Variants in CCDC126 observed in about 807,000 individuals in gnomAD.
CCDC126 encodes coiled-coil domain containing 126.
In CCDC126, 5 loss-of-function variants were observed where a neutral mutation model predicts 11.7. The ratio of observed to expected loss-of-function variants is 0.43; its 90% CI spans 0.22 to 0.90. CCDC126 has a LOEUF of 0.90. Among genes scored for constraint, CCDC126 ranks in the 40% least tolerant of loss-of-function variants. The pLI is 0.27. For synonymous variants in CCDC126, 60 were observed against 61.9 expected (o/e 0.97, Z 0.14); for missense variants, 150 against 163.1 (o/e 0.92, Z 0.44).
At chr7:23,618,312 C>G (rs146517592) in intron 3 of CCDC126, among the ~76,000 whole-genome samples, 37 of 152,314 alleles carry the variant, frequency 2.4e-4, no homozygotes, top group African/African-American at 8.7e-4. Context: ...CCCCAACTCT[C>G]TAATCACATG....
At chr7:23,609,198 T>C (rs1782666869) in intron 2 of CCDC126, among the ~76,000 whole-genome samples, 1 of 152,150 alleles carries the variant, frequency 6.6e-6, no homozygotes, top group African/African-American at 2.4e-5. Flanking sequence ...ATTTTTTTTT[T>C]TTGGGATGGA....
At chr7:23,616,123 A>C (rs1000983950) in intron 3 of CCDC126, among the ~76,000 whole-genome samples, 8 of 152,216 alleles carry the variant, frequency 5.3e-5, no homozygotes, top group Non-Finnish European at 8.8e-5. Flanking sequence ...GAGTTTAATA[A>C]GTATCGATTT....
chr7:23,615,626 G>A (rs1782784127), intron 3 of CCDC126, among the ~76,000 whole-genome samples: 1 of 152,230 alleles, frequency 6.6e-6, no homozygotes, highest in Non-Finnish European at 1.5e-5. Flanking sequence ...AGTGAGAGAA[G>A]AGGGACTCTT....
intron 3 of CCDC126, among the ~76,000 whole-genome samples, chr7:23,622,062 C>T (rs1373015655): frequency 2.0e-5 from 3 of 152,080 alleles, no homozygotes; most frequent in Non-Finnish European, 4.4e-5. Flanking sequence ...TGTGTCTCTG[C>T]CAGGCTTTGG....
rs1782776414 is a variant in CCDC126 at position 23,615,222 on chromosome 7, C to A, written c.238+3669C>A. On this transcript the variant is annotated intron_variant, in intron 3 of 3. Coordinates refer to ENST00000307471, the MANE Select transcript of CCDC126 (RefSeq NM_138771.4). ...CATTAGCACTTGCTGCTTCACCTTG[C>A]ACTTGAATCTTATGGAAATGGCTTT... 2.0e-5 allele frequency among the ~76,000 whole-genome samples: 3 copies of A among 152,236 alleles called. No homozygotes were observed. The South Asian group carries it at 6.2e-4, about 32-fold the overall frequency.
intron 2 of CCDC126, among the ~76,000 whole-genome samples, chr7:23,601,216 G>A (rs1436804812): frequency 6.6e-6 from 1 of 152,020 alleles, no homozygotes; most frequent in Non-Finnish European, 1.5e-5. Context: ...AGACCTTGTC[G>A]CTGCTAAAAA....
chr7:23,630,675 T>TG (rs1310780648), intron 3 of CCDC126, among the ~76,000 whole-genome samples: 1 of 125,852 alleles, frequency 7.9e-6, no homozygotes, highest in Non-Finnish European at 1.5e-5. Flanking sequence ...GCCATGAGCA[T>TG]GCTGCTGCAC....
In CCDC126 at chr7:23,642,576, A is replaced by G. The variant is rs1326167796; in HGVS notation, c.239-355A>G. ...TCAGGAGTTCAAGAGCAGCCCGGCC[A>G]ACGTGGTAAAATCCTGTCTCCACTA... On this transcript the variant is annotated intron_variant, in intron 3 of 3. Coordinates refer to ENST00000307471, the MANE Select transcript of CCDC126 (RefSeq NM_138771.4). Among the ~76,000 whole-genome samples, 5 of 152,020 alleles carry G rather than the reference A, an allele frequency of 3.3e-5. No individual in the cohort carries two copies. In the East Asian group the frequency reaches 7.7e-4, roughly 24 times the overall value.
chr7:23,624,451 T>C (rs1047584710), intron 3 of CCDC126, among the ~76,000 whole-genome samples: 2 of 152,186 alleles, frequency 1.3e-5, no homozygotes, highest in African/African-American at 4.8e-5. Flanking sequence ...CCAGATATTA[T>C]AGAAATAGAT....
chr7:23,598,255 A>T (rs1782464038), intron 2 of CCDC126: 1 of 152,260 alleles, frequency 6.6e-6, no homozygotes, highest in South Asian at 2.1e-4. Context: ...ATAGACCTAT[A>T]ACGTCATTAG....
chr7:23,636,163 G>T (rs1348318807), intron 3 of CCDC126, among the ~76,000 whole-genome samples: 2 of 152,232 alleles, frequency 1.3e-5, no homozygotes, highest in East Asian at 1.9e-4. Flanking sequence ...CGTTCACTCA[G>T]TGCTCAATGG....
chr7:23,631,505 G>A lies in CCDC126; in HGVS notation c.239-11426G>A, dbSNP rs551327624. 3.3e-5 allele frequency among the ~76,000 whole-genome samples: 5 copies of A among 152,276 alleles called. No individual in the cohort carries two copies. In the South Asian group the frequency reaches 6.2e-4, roughly 19 times the overall value. Reference sequence around the variant, plus strand: ...AATTTGGCCAAGTGCGGTGGCTCACGTCTGTAATCCCAGCACTTTGGGAGG... The same window carrying A: ...AATTTGGCCAAGTGCGGTGGCTCACATCTGTAATCCCAGCACTTTGGGAGG... On this transcript the variant is annotated intron_variant, in intron 3 of 3. Transcript: ENST00000307471.
chr7:23,618,693 G>C (rs1782837454), intron 3 of CCDC126, among the ~76,000 whole-genome samples: 1 of 151,516 alleles, frequency 6.6e-6, no homozygotes, highest in Admixed American at 6.6e-5. Flanking sequence ...TGGGACTACA[G>C]GCATGCACCA....
rs184823321 is a variant in CCDC126, at chr7:23,624,244, G to A, written c.238+12691G>A. 1.0e-3 allele frequency among the ~76,000 whole-genome samples: 153 copies of A among 152,270 alleles called. 2 individuals carry two copies. The highest frequency in any genetic ancestry group is 2.3e-3 in the South Asian group (11 of 4,826). ...CTGTTTCTGTGGGTACCTAGACTAA[G>A]CTTATTCTAAATGCCTGTGTTCACT... On this transcript the variant is annotated intron_variant, in intron 3 of 3. Transcript: ENST00000307471.
intron 1 of CCDC126, 90 bp downstream of exon 1, chr7:23,597,695 C>G (rs1319643109): frequency 6.5e-6 from 1 of 152,756 alleles, no homozygotes; most frequent in Non-Finnish European, 1.5e-5. Context: ...GCCGCGCCCC[C>G]GTCCCCGGTC....
chr7:23,612,565 C>T (rs973699558), intron 3 of CCDC126, among the ~76,000 whole-genome samples: 62 of 147,640 alleles, frequency 4.2e-4, no homozygotes, highest in Middle Eastern at 3.8e-3. Context: ...CTTAGCTAGT[C>T]GGGAGGCTGA....
chr7:23,600,174 A>G (rs1782511843), intron 2 of CCDC126, among the ~76,000 whole-genome samples: 1 of 151,362 alleles, frequency 6.6e-6, no homozygotes, highest in African/African-American at 2.4e-5. Flanking sequence ...TCACTTTACC[A>G]TTTTTCTTTT....
At chr7:23,619,732 TC>T (rs1349227677) in intron 3 of CCDC126, among the ~76,000 whole-genome samples, 1 of 71,978 alleles carries the variant, frequency 1.4e-5, no homozygotes, top group African/African-American at 5.6e-5. Context: ...CCCTCCCCCC[TC>T]CCCCCACCCC....
intron 2 of CCDC126, chr7:23,604,416 G>A (rs1782588838): frequency 6.6e-6 from 1 of 152,218 alleles, no homozygotes; most frequent in African/African-American, 2.4e-5. Context: ...TTGGTCTTTG[G>A]AGACTGGGTT....
Sources: allele counts gnomAD v4.1 joint callset (sites outside exome capture counted in the v4.1 genomes callset), GRCh38; gene constraint gnomAD v4.1.1; transcripts MANE v1.5; gene names NCBI Gene and HGNC (gene_info 2026-07-23, HGNC 2026-07-21).